CHL1: variants seen among roughly 807,000 people sequenced by gnomAD.
CHL1 encodes neural cell adhesion molecule L1-like protein.
Under a neutral mutation model 141.9 loss-of-function variants are expected in CHL1, and 96 were observed. The observed-to-expected ratio is 0.68, with a 90% CI of 0.57 to 0.80. CHL1 has a LOEUF of 0.80. Among genes scored for constraint, CHL1 ranks in the 30% least tolerant of loss-of-function variants. The pLI is 0.00. For synonymous variants in CHL1, 613 were observed against 502.2 expected (o/e 1.22, Z -2.95); for missense variants, 1,820 against 1,457.2 (o/e 1.25, Z -4.05).
intron 2 of CHL1, among the ~76,000 whole-genome samples, chr3:317,389 C>T (rs2125022280): frequency 6.6e-6 from 1 of 152,010 alleles, no homozygotes; most frequent in African/African-American, 2.4e-5. Flanking sequence ...ACTTATTTGG[C>T]TATCTAGTTA....
At chr3:239,723 A>G (rs1203579201) in intron 1 of CHL1, among the ~76,000 whole-genome samples, 1 of 151,770 alleles carries the variant, frequency 6.6e-6, no homozygotes, top group Non-Finnish European at 1.5e-5. Flanking sequence ...TATACAATGA[A>G]CCCAATTTGT....
chr3:256,469 T>G (rs1694186372), intron 2 of CHL1, among the ~76,000 whole-genome samples: 1 of 152,152 alleles, frequency 6.6e-6, no homozygotes, highest in Admixed American at 6.5e-5. Context: ...GAGTAGTGGT[T>G]TTCAACCAGG....
intron 10 of CHL1, among the ~76,000 whole-genome samples, chr3:350,339 GAC>G (rs897003545): frequency 2.0e-5 from 3 of 152,102 alleles, no homozygotes; most frequent in Non-Finnish European, 2.9e-5. Flanking sequence ...GAATGTGATT[GAC>G]ACAGACTATT....
In CHL1 at chr3:377,828, G is replaced by A. The variant is rs1182116895; in HGVS notation, c.1762G>A (p.Asp588Asn). ...CTTTTTTTCTGATAGGATAATTATT[G>A]ATGGAGCTAATTTGACCATATCTAA... ...NGTEDGRIII[D>N]GANLTISNVT... The change falls in exon 16 of 28, where the codon GAT becomes AAT. Residue 588 changes from aspartate to asparagine, a missense_variant. Coordinates refer to ENST00000256509, the MANE Select transcript of CHL1 (RefSeq NM_006614.4). 7 of 1,604,814 alleles carry A rather than the reference G, an allele frequency of 4.4e-6. No homozygotes were observed. Among genetic ancestry groups the A allele is most frequent in the Middle Eastern group, 1.7e-4 (1 of 6,056 alleles).
intron 1 of CHL1, among the ~76,000 whole-genome samples, chr3:235,152 C>A (rs958039632): frequency 1.3e-5 from 2 of 151,988 alleles, no homozygotes; most frequent in African/African-American, 4.8e-5. Context: ...ATCCCTCCCC[C>A]CTCTTTCTAA....
chr3:325,772 G>T (rs1386490669), intron 3 of CHL1, among the ~76,000 whole-genome samples, 187 bp from the exon 4 acceptor site: 2 of 151,976 alleles, frequency 1.3e-5, no homozygotes, highest in African/African-American at 4.8e-5. Context: ...TGAAATGATG[G>T]CAGTGAAGTG....
intron 2 of CHL1, among the ~76,000 whole-genome samples, chr3:267,858 G>A (rs1430952406): frequency 9.9e-5 from 15 of 152,128 alleles, no homozygotes; most frequent in Admixed American, 9.8e-4. Context: ...AAATTAAGAA[G>A]CATTTTCTTG....
chr3:361,897 T>G, intron 13 of CHL1, 87 bp downstream of exon 13: 2 of 925,092 alleles, frequency 2.2e-6, no homozygotes, highest in Non-Finnish European at 3.6e-6. Flanking sequence ...CAGGCTGTAT[T>G]GTGTCTATAT....
rs78682744 is a variant in CHL1 at position 340,046 on chromosome 3, A to C, written c.386-748A>C. Reference sequence around the variant, plus strand: ...TATCCTTATAAATATCAATACTTCCATAAAAATATTAAACTTTGGTGTTAG... The same window carrying C: ...TATCCTTATAAATATCAATACTTCCCTAAAAATATTAAACTTTGGTGTTAG... On this transcript the variant is annotated intron_variant, in intron 5 of 27. Transcript: ENST00000256509. Among the ~76,000 whole-genome samples the C allele has an allele frequency of 3.9e-5, 6 of 152,308 alleles. No homozygotes were observed. The East Asian group carries it at 1.2e-3, about 29-fold the overall frequency.
intron 19 of CHL1, chr3:384,726 T>C (rs1433572224): frequency 2.6e-5 from 4 of 152,216 alleles, no homozygotes; most frequent in Non-Finnish European, 5.9e-5. Flanking sequence ...CCTCCAACAT[T>C]GAATTTATAA....
At chr3:363,004 G>C (rs73814716) in intron 13 of CHL1, among the ~76,000 whole-genome samples, 1 of 152,188 alleles carries the variant, frequency 6.6e-6, no homozygotes, top group Non-Finnish European at 1.5e-5. Flanking sequence ...CACTGAGCAT[G>C]GACTTGGATT....
intron 27 of CHL1, among the ~76,000 whole-genome samples, chr3:404,593 C>G (rs1709387224): frequency 6.6e-6 from 1 of 152,060 alleles, no homozygotes; most frequent in African/African-American, 2.4e-5. Flanking sequence ...AAAATACCAG[C>G]CATTTCTTTC....
chr3:222,740 A>AT (rs201878767), intron 1 of CHL1, among the ~76,000 whole-genome samples: 213 of 150,072 alleles, frequency 1.4e-3, no homozygotes, highest in African/African-American at 4.6e-3. Flanking sequence ...AGGAAAAACA[A>AT]TTTTTTTTTT....
At chr3:305,197 T>G (rs1481078094) in intron 2 of CHL1, among the ~76,000 whole-genome samples, 1 of 152,174 alleles carries the variant, frequency 6.6e-6, no homozygotes, top group Non-Finnish European at 1.5e-5. Flanking sequence ...GAAAGTATCA[T>G]GGCTAAAAGT....
intron 13 of CHL1, among the ~76,000 whole-genome samples, chr3:362,578 C>G (rs1417228463): frequency 6.6e-6 from 1 of 152,080 alleles, no homozygotes; most frequent in Middle Eastern, 3.4e-3. Context: ...CAGCCTAGTC[C>G]CTGTCCTGTA....
intron 9 of CHL1, among the ~76,000 whole-genome samples, chr3:345,275 A>G (rs1702667674): frequency 6.6e-6 from 1 of 151,800 alleles, no homozygotes; most frequent in African/African-American, 2.4e-5. Context: ...CCTGTTTGCT[A>G]TGTTACTTAC....
intron 12 of CHL1, among the ~76,000 whole-genome samples, chr3:361,283 G>C (rs1185022521): frequency 2.0e-5 from 3 of 148,344 alleles, no homozygotes; most frequent in Non-Finnish European, 4.5e-5. Flanking sequence ...AGAAAACCTA[G>C]GCATTACCAT....
At chr3:212,142 T>C (rs1699950064) in intron 1 of CHL1, among the ~76,000 whole-genome samples, 1 of 152,150 alleles carries the variant, frequency 6.6e-6, no homozygotes, top group African/African-American at 2.4e-5. Flanking sequence ...TGGTAGAGGC[T>C]GGTGGTGAGA....
chr3:394,955 A>G, intron 24 of CHL1, 83 bp downstream of exon 24: 1 of 1,131,078 alleles, frequency 8.8e-7, no homozygotes, highest in East Asian at 2.6e-5. Context: ...AAAGGAAAGC[A>G]CCGTGCCAGT....
Sources: gnomAD v4.1 joint callset for allele counts (sites outside exome capture counted in the v4.1 genomes callset) on GRCh38, gnomAD v4.1.1 for gene constraint, MANE v1.5 for transcripts, NCBI Gene and HGNC (gene_info 2026-07-23, HGNC 2026-07-21) for gene names.